Variants in RYR2 observed in about 807,000 individuals in gnomAD.
RYR2 encodes ryanodine receptor 2, also known as cardiac muscle ryanodine receptor-calcium release channel.
RYR2 carries 227 observed loss-of-function variants against 601.1 expected under a neutral mutation model. The observed-to-expected ratio is 0.38, with a 90% CI of 0.34 to 0.42. RYR2 has a LOEUF of 0.42. Ranked by LOEUF, RYR2 falls within the 10% of genes least tolerant of loss-of-function variation. RYR2 has a pLI of 1.00. For synonymous variants in RYR2, 2,223 were observed against 2,175.1 expected, an observed-to-expected ratio of 1.02 and a Z score of -0.61; for missense variants, 4,646 against 6,156.5, an observed-to-expected ratio of 0.75 and a Z score of 8.21.
At chr1:237,226,392 T>G (rs923190086) in intron 1 of RYR2, among the ~76,000 whole-genome samples, 1 of 152,210 alleles carries the variant, frequency 6.6e-6, no homozygotes, top group Non-Finnish European at 1.5e-5. Flanking sequence ...TACATGTTTT[T>G]GTTACTGACA....
chr1:237,319,233 T>C (rs1695388809), intron 2 of RYR2, among the ~76,000 whole-genome samples: 1 of 152,178 alleles, frequency 6.6e-6, no homozygotes, highest in African/African-American at 2.4e-5. Flanking sequence ...ATGCTTTCCT[T>C]TAGTTCTTTA....
intron 62 of RYR2, among the ~76,000 whole-genome samples, chr1:237,685,953 A>G (rs758424162): frequency 4.6e-5 from 7 of 152,216 alleles, no homozygotes; most frequent in African/African-American, 7.2e-5. Context: ...TCATCAATAC[A>G]TGAATCCACA....
At chr1:237,263,613 T>C (rs549515619) in intron 1 of RYR2, among the ~76,000 whole-genome samples, 6 of 152,352 alleles carry the variant, frequency 3.9e-5, no homozygotes, top group African/African-American at 1.4e-4. Flanking sequence ...CCTTGAGTGC[T>C]TCAAGATGTT....
At chr1:237,481,822 A>G (rs1173793346) in intron 17 of RYR2, among the ~76,000 whole-genome samples, 6 of 149,366 alleles carry the variant, frequency 4.0e-5, no homozygotes, top group Non-Finnish European at 8.9e-5. Flanking sequence ...AAAAAAAAAA[A>G]AAAAAAAAAA....
chr1:237,803,687 C>G (rs1007603034), intron 98 of RYR2, among the ~76,000 whole-genome samples: 2 of 152,146 alleles, frequency 1.3e-5, no homozygotes, highest in African/African-American at 4.8e-5. Flanking sequence ...TCCTCCCCAC[C>G]AAATCCAGTC....
intron 1 of RYR2, among the ~76,000 whole-genome samples, chr1:237,065,156 C>G (rs9428655): frequency 0.77 from 116,793 of 151,332 alleles, 45,597 homozygotes; most frequent in East Asian, 0.99. Context: ...GTTAGCATTG[C>G]TATAAAGCGT....
intron 1 of RYR2, among the ~76,000 whole-genome samples, chr1:237,100,491 A>G (rs1316344891): frequency 6.6e-6 from 1 of 151,136 alleles, no homozygotes; most frequent in Non-Finnish European, 1.5e-5. Context: ...GATTCAAGTG[A>G]TTCTCCTGTC....
chr1:237,760,071 G>A (rs541270911), intron 83 of RYR2, among the ~76,000 whole-genome samples: 1 of 151,942 alleles, frequency 6.6e-6, no homozygotes, highest in African/African-American at 2.4e-5. Context: ...TCTTAAAATA[G>A]CTTTCCCATA....
chr1:237,813,250 A>G (rs1315565026), intron 100 of RYR2, among the ~76,000 whole-genome samples: 2 of 152,202 alleles, frequency 1.3e-5, no homozygotes, highest in Non-Finnish European at 1.5e-5. Flanking sequence ...ATTCAGTTCT[A>G]TTCTAGGACA....
At chr1:237,369,299 A>T (rs1363912275) in intron 5 of RYR2, among the ~76,000 whole-genome samples, 1 of 152,186 alleles carries the variant, frequency 6.6e-6, no homozygotes, top group Non-Finnish European at 1.5e-5. Flanking sequence ...TTATTTACTG[A>T]TACCAAGTTT....
At chr1:237,187,443 C>T (rs1387036115) in intron 1 of RYR2, among the ~76,000 whole-genome samples, 3 of 86,784 alleles carry the variant, frequency 3.5e-5, no homozygotes, top group South Asian at 4.2e-4. Flanking sequence ...GCCCGGCCGA[C>T]TTTTTTTTTT....
At chr1:237,663,568 GGGTAAACT>G (rs1684007909) in intron 56 of RYR2, among the ~76,000 whole-genome samples, 1 of 152,282 alleles carries the variant, frequency 6.6e-6, no homozygotes, top group African/African-American at 2.4e-5. Context: ...TCGTGAGCTT[GGGTAAACT>G]GGTTAACCTC....
chr1:237,827,627 C>CAAA lies in RYR2; in HGVS notation c.14591-733_14591-731dup, dbSNP rs55896893. On this transcript the variant is annotated intron_variant, in intron 101 of 104. Transcript: ENST00000366574. The stretch of plus-strand genomic sequence containing the variant: ...CCTGGGTGACAGAGCAAGACTGTCT[C>CAAA]AAAAAAAAAAAAAAAAAAAAAAATG... Among the ~76,000 whole-genome samples the CAAA allele has an allele frequency of 4.8e-3, 381 of 79,352 alleles. 8 individuals are homozygous for CAAA. Among genetic ancestry groups the CAAA allele is most frequent in the African/African-American group, 0.015 (297 of 20,178 alleles). The allele number at this position is 79,352 out of a possible 152,430, so 52.1% of individuals were successfully genotyped here.
At chr1:237,575,619 A>G (rs969057396) in intron 29 of RYR2, among the ~76,000 whole-genome samples, 6 of 152,134 alleles carry the variant, frequency 3.9e-5, no homozygotes, top group African/African-American at 1.4e-4. Context: ...TAACAATAAG[A>G]AGGAATTATG....
intron 28 of RYR2, among the ~76,000 whole-genome samples, chr1:237,567,654 A>G (rs1470017787): frequency 6.6e-6 from 1 of 152,090 alleles, no homozygotes; most frequent in African/African-American, 2.4e-5. Context: ...TAGGATAATA[A>G]TAGTCACTTT....
rs188834676 is a variant in RYR2, at chr1:237,741,315, A to G, written c.11092-981A>G. Reference sequence around the variant, plus strand: ...TTACCTTCCCTCCCATCCCCAGTTCATCTCCATGCCCAGAGTACTGTGTCT... The same window carrying G: ...TTACCTTCCCTCCCATCCCCAGTTCGTCTCCATGCCCAGAGTACTGTGTCT... On this transcript the variant is annotated intron_variant, in intron 79 of 104. Coordinates refer to ENST00000366574, the MANE Select transcript of RYR2 (RefSeq NM_001035.3). Among the ~76,000 whole-genome samples the G allele has an allele frequency of 6.6e-5, 10 of 152,256 alleles. No homozygotes were observed. In the East Asian group the frequency reaches 1.7e-3, roughly 27 times the overall value.
intron 95 of RYR2, 34 bp from the exon 96 acceptor site, chr1:237,795,255 A>C: frequency 9.7e-7 from 1 of 1,026,916 alleles, no homozygotes; most frequent in Non-Finnish European, 1.4e-6. Context: ...ATTAAAAATA[A>C]TACTATTTAC....
chr1:237,243,639 A>C (rs1369735378), intron 1 of RYR2, among the ~76,000 whole-genome samples: 2 of 152,062 alleles, frequency 1.3e-5, no homozygotes, highest in Non-Finnish European at 2.9e-5. Flanking sequence ...GTGGGACCCT[A>C]TCTGGGGAGG....
intron 3 of RYR2, among the ~76,000 whole-genome samples, chr1:237,334,198 T>C (rs1455448383): frequency 6.6e-6 from 1 of 152,100 alleles, no homozygotes. Context: ...CATAAAATGG[T>C]TAAGGAAACT....
Sources: allele counts gnomAD v4.1 joint callset (sites outside exome capture counted in the v4.1 genomes callset), GRCh38; gene constraint gnomAD v4.1.1; transcripts MANE v1.5; gene names NCBI Gene and HGNC (gene_info 2026-07-23, HGNC 2026-07-21).